Variants in IL16 observed in about 807,000 individuals in gnomAD.
IL16 encodes the protein interleukin 16, also known as pro-interleukin-16.
A neutral mutation model predicts 110.1 loss-of-function variants in IL16; 67 were observed. The observed-to-expected ratio is 0.61, with a 90% CI of 0.50 to 0.75. The LOEUF (loss-of-function observed/expected upper bound fraction) is 0.75, where lower values mean the gene tolerates loss of function less well. Ranked by LOEUF, IL16 falls within the 30% of genes least tolerant of loss-of-function variation. The probability of loss-of-function intolerance (pLI) is 0.00; values close to 1 mark genes in which losing one functional copy is unlikely to be tolerated. For missense variants in IL16, 1,545 were observed against 1,655.0 expected (o/e 0.93, Z 1.15); for synonymous variants, 689 against 662.9 (o/e 1.04, Z -0.61).
At chr15:81,294,853 T>G (rs1035592977) in intron 12 of IL16, among the ~76,000 whole-genome samples, 3 of 152,152 alleles carry the variant, frequency 2.0e-5, no homozygotes, top group Non-Finnish European at 4.4e-5. Flanking sequence ...CCTTGACCAT[T>G]CCTGGGGATT....
intron 1 of IL16, among the ~76,000 whole-genome samples, chr15:81,191,583 G>A (rs1895498186): frequency 6.6e-6 from 1 of 152,198 alleles, no homozygotes; most frequent in South Asian, 2.1e-4. Context: ...TGGTATGTAA[G>A]TACCCAAGCA....
At chr15:81,298,048 G>A (rs1340579040) in intron 13 of IL16, among the ~76,000 whole-genome samples, 2 of 152,098 alleles carry the variant, frequency 1.3e-5, no homozygotes, top group Non-Finnish European at 2.9e-5. Context: ...AAAAGCAAAC[G>A]CCTCAGTGTT....
chr15:81,291,652 G>C (rs1159367445), intron 11 of IL16, among the ~76,000 whole-genome samples: 1 of 152,094 alleles, frequency 6.6e-6, no homozygotes, highest in Non-Finnish European at 1.5e-5. Flanking sequence ...TACCACTAGA[G>C]AGAAGGGCCT....
At chr15:81,231,836 T>C (rs1896999429) in intron 2 of IL16, among the ~76,000 whole-genome samples, 1 of 152,162 alleles carries the variant, frequency 6.6e-6, no homozygotes, top group Non-Finnish European at 1.5e-5. Context: ...TCAACACCAT[T>C]TTTTGGAAAT....
rs1034183570 is a variant in IL16, at chr15:81,259,708, A to G, written c.313-64A>G. On this transcript the variant is annotated intron_variant, in intron 2 of 18. Transcript: ENST00000683961. ...CTTCTATGGTCAGTGTCAAAATCCA[A>G]TTTTGCTAAGCACAAGTTTTCTATT... 23 of 1,104,630 alleles carry G rather than the reference A, an allele frequency of 2.1e-5. No homozygotes were observed. In the African/African-American group the frequency reaches 2.3e-4, roughly 11 times the overall value. 68.4% of individuals were successfully genotyped at this position (1,104,630 alleles called of 1,614,324 possible). A position where few individuals can be genotyped will look rare whatever the true frequency, so the allele number is the denominator to read the frequency against.
chr15:81,190,043 AGGCCAGGGCCCCT>A (rs1453562679), intron 1 of IL16, among the ~76,000 whole-genome samples: 1 of 152,186 alleles, frequency 6.6e-6, no homozygotes, highest in East Asian at 1.9e-4. Flanking sequence ...GAAGCCACGC[AGGCCAGGGCCCCT>A]GGCCAGGGCA....
At position 81,311,933 on chromosome 15, in the gene IL16, C is replaced by A. The variant is rs1900877372; in HGVS notation, c.*3135C>A. 1 of 152,222 alleles carries A rather than the reference C, an allele frequency of 6.6e-6. No homozygotes were observed. Among genetic ancestry groups the A allele is most frequent in the Non-Finnish European group, 1.5e-5 (1 of 68,048 alleles). 9.4% of individuals were successfully genotyped at this position (152,222 alleles called of 1,614,324 possible). A position where few individuals can be genotyped will look rare whatever the true frequency, so the allele number is the denominator to read the frequency against. On this transcript the variant is annotated 3_prime_UTR_variant, in exon 19 of 19. Transcript: ENST00000683961. ...GTCATGTTTTAAAGCTTGCTCACAT[C>A]TTGGCACATTTAAGAGACAGTCACC...
chr15:81,299,226 A>G (rs780289594), intron 13 of IL16, 154 bp from the exon 14 acceptor site: 104 of 1,213,448 alleles, frequency 8.6e-5, no homozygotes, highest in African/African-American at 2.1e-4. Flanking sequence ...CAGTCAGGTA[A>G]TAGCACCTGG....
rs1207921522 is a variant in IL16 at position 81,303,826 on chromosome 15, TA to T, written c.3420+177del. On this transcript the variant is annotated intron_variant, in intron 16 of 18. Coordinates refer to ENST00000683961, the MANE Select transcript of IL16 (RefSeq NM_172217.5). The surrounding 1 kb of genome is among the most constrained non-coding windows in gnomAD (Gnocchi z 4.1). ...AGAGCCTGGGGCTGCGTGGAGAGGG[TA>T]GCAGGCCTGGCCATGGGCATCTTTT... Among the ~76,000 whole-genome samples, 2 of 152,180 alleles carry T rather than the reference TA, an allele frequency of 1.3e-5. No homozygotes were observed. The highest frequency in any genetic ancestry group is 2.9e-5 in the Non-Finnish European group (2 of 68,020).
At chr15:81,250,528 T>A (rs184793641) in intron 2 of IL16, among the ~76,000 whole-genome samples, 3 of 152,272 alleles carry the variant, frequency 2.0e-5, no homozygotes. Flanking sequence ...TTGCTTTGAT[T>A]TTTTTTTCTG....
intron 1 of IL16, among the ~76,000 whole-genome samples, chr15:81,184,041 G>C (rs928126994): frequency 1.3e-5 from 2 of 152,208 alleles, no homozygotes; most frequent in Non-Finnish European, 2.9e-5. Flanking sequence ...ATGAAGAAAA[G>C]AGTGCTTGAG....
intron 2 of IL16, among the ~76,000 whole-genome samples, chr15:81,237,617 T>C (rs1434978925): frequency 1.3e-5 from 2 of 152,230 alleles, no homozygotes; most frequent in Non-Finnish European, 2.9e-5. Context: ...TCCTACCTGA[T>C]GCCTTTCCAT....
chr15:81,251,066 A>G (rs4128767), intron 2 of IL16, among the ~76,000 whole-genome samples: 63,943 of 151,946 alleles, frequency 0.42, 15,307 homozygotes, highest in African/African-American at 0.67. Context: ...TCTCAGAAAA[A>G]CTATGGTACA....
chr15:81,194,691 G>A (rs57271357), upstream of IL16, among the ~76,000 whole-genome samples: 3 of 152,056 alleles, frequency 2.0e-5, no homozygotes, highest in Non-Finnish European at 2.9e-5. Flanking sequence ...TCTCAGTTCC[G>A]TGGGCTGGAA....
chr15:81,208,943 A>G (rs1477023510), intron 1 of IL16, among the ~76,000 whole-genome samples: 1 of 152,166 alleles, frequency 6.6e-6, no homozygotes, highest in Non-Finnish European at 1.5e-5. Flanking sequence ...TCTCATATGG[A>G]TATTATAAGG....
At chr15:81,283,154 C>T (rs570107771) in intron 9 of IL16, among the ~76,000 whole-genome samples, 13 of 152,262 alleles carry the variant, frequency 8.5e-5, no homozygotes, top group East Asian at 5.8e-4. Flanking sequence ...CGAGGTGGGG[C>T]GGCCTAAATA....
Position 81,305,997 on chromosome 15 carries a change from C to G in IL16, c.3510C>G (p.Leu1170=), listed in dbSNP as rs996822500. 2 of 1,614,232 alleles carry G rather than the reference C, an allele frequency of 1.2e-6. No individual in the cohort carries two copies. The highest frequency in any genetic ancestry group is 1.7e-6 in the Non-Finnish European group (2 of 1,180,046). ...TTCTTTCCATCAACGGCAAGTCTCT[C>G]AAGGGGACCACGCACCATGATGCCT... ...NEVLSINGKS[L]KGTTHHDALA... Residue 1170 remains leucine, a synonymous_variant, in exon 17 of 19, where the codon CTC becomes CTG. Coordinates refer to ENST00000683961, the MANE Select transcript of IL16 (RefSeq NM_172217.5).
intron 3 of IL16, among the ~76,000 whole-genome samples, chr15:81,260,142 A>G (rs1898099017): frequency 6.6e-6 from 1 of 152,182 alleles, no homozygotes; most frequent in South Asian, 2.1e-4. Context: ...TGTGTCTCCT[A>G]ACATGCTCCT....
chr15:81,252,960 T>C (rs1038630117), intron 2 of IL16, among the ~76,000 whole-genome samples: 2 of 152,316 alleles, frequency 1.3e-5, no homozygotes, highest in East Asian at 3.9e-4. Flanking sequence ...TTTGTGTGGT[T>C]TTATGTTTTC....
Sources: allele counts gnomAD v4.1 joint callset (sites outside exome capture counted in the v4.1 genomes callset), GRCh38; gene constraint gnomAD v4.1.1; non-coding constraint Gnocchi (gnomAD v3.1); transcripts MANE v1.5; gene names NCBI Gene and HGNC (gene_info 2026-07-23, HGNC 2026-07-21).